The following ATE1 variants were observed in gnomAD, a reference collection of about 807,000 sequenced individuals.
ATE1 encodes arginyl-tRNA--protein transferase 1.
ATE1 carries 36 observed loss-of-function variants against 70.5 expected under a neutral mutation model. That is an observed-to-expected ratio of 0.51 (90% confidence interval 0.39 to 0.67). The LOEUF (loss-of-function observed/expected upper bound fraction) is 0.67. Among genes scored for constraint, ATE1 ranks in the 30% least tolerant of loss-of-function variants. The pLI is 0.00. For missense variants in ATE1, 593 were observed against 629.5 expected (o/e 0.94, Z 0.62); for synonymous variants, 232 against 219.3 (o/e 1.06, Z -0.51).
intron 3 of ATE1, among the ~76,000 whole-genome samples, chr10:121,920,993 C>G (rs935184982): frequency 2.8e-5 from 4 of 141,626 alleles, no homozygotes; most frequent in Non-Finnish European, 6.2e-5. Flanking sequence ...GACTCCGTCT[C>G]TTTAAAAAAA....
intron 10 of ATE1, among the ~76,000 whole-genome samples, chr10:121,822,736 C>T (rs17102629): frequency 0.033 from 4,985 of 152,174 alleles, 158 homozygotes; most frequent in African/African-American, 0.082. Context: ...CTTTCACATG[C>T]AATGCAGGCT....
chr10:121,803,753 T>A (rs998728041), intron 10 of ATE1, among the ~76,000 whole-genome samples: 1 of 152,230 alleles, frequency 6.6e-6, no homozygotes, highest in Non-Finnish European at 1.5e-5. Flanking sequence ...AGAAAACATT[T>A]TTCAGTGCCT....
At chr10:121,850,480 T>C (rs1386195386) in intron 8 of ATE1, among the ~76,000 whole-genome samples, 1 of 152,202 alleles carries the variant, frequency 6.6e-6, no homozygotes, top group Non-Finnish European at 1.5e-5. Context: ...AGAATTCTAC[T>C]TCAATATGTG....
chr10:121,907,834 T>C (rs1248805162), intron 5 of ATE1, among the ~76,000 whole-genome samples: 2 of 151,670 alleles, frequency 1.3e-5, no homozygotes, highest in Non-Finnish European at 2.9e-5. Context: ...TATGAACTCA[T>C]AACCTCATAA....
chr10:121,926,844 G>A, intron 1 of ATE1: 7 of 985,322 alleles, frequency 7.1e-6, no homozygotes, highest in Non-Finnish European at 7.2e-6. Context: ...CAAACTGGAA[G>A]CATTTTTCCA....
At chr10:121,823,742 C>T (rs1423232194) in intron 10 of ATE1, among the ~76,000 whole-genome samples, 1 of 152,204 alleles carries the variant, frequency 6.6e-6, no homozygotes, top group Non-Finnish European at 1.5e-5. Flanking sequence ...AGAGATTAGA[C>T]AAAGGATCAG....
At chr10:121,829,448 GAA>G (rs11453366) in intron 10 of ATE1, among the ~76,000 whole-genome samples, 3 of 147,984 alleles carry the variant, frequency 2.0e-5, no homozygotes, top group South Asian at 4.3e-4. Flanking sequence ...AAAAAGGAAA[GAA>G]AAAAAAAATC....
chr10:121,905,969 T>C (rs1951174841), intron 5 of ATE1, among the ~76,000 whole-genome samples: 1 of 152,188 alleles, frequency 6.6e-6, no homozygotes, highest in Admixed American at 6.5e-5. Flanking sequence ...ATACCAACCC[T>C]GCACCCACAG....
chr10:121,794,966 G>T (rs1053313372), intron 10 of ATE1, among the ~76,000 whole-genome samples: 3 of 152,148 alleles, frequency 2.0e-5, no homozygotes, highest in African/African-American at 7.2e-5. Flanking sequence ...ACATTTAGTC[G>T]GCTGGGGGCG....
intron 1 of ATE1, 109 bp from the exon 2 acceptor site, chr10:121,924,438 T>C (rs144846259): frequency 0.012 from 12,241 of 1,038,332 alleles, 109 homozygotes; most frequent in Non-Finnish European, 0.014. Flanking sequence ...CGGTGGCTCA[T>C]GCCTGTAATC....
chr10:121,911,357 G>T (rs1329307655), intron 4 of ATE1, among the ~76,000 whole-genome samples: 1 of 151,870 alleles, frequency 6.6e-6, no homozygotes, highest in Non-Finnish European at 1.5e-5. Flanking sequence ...CAGCTCTTTG[G>T]GAGGCCAACA....
chr10:121,837,507 G>C (rs1948473672), intron 9 of ATE1, among the ~76,000 whole-genome samples: 1 of 152,166 alleles, frequency 6.6e-6, no homozygotes, highest in African/African-American at 2.4e-5. Context: ...TAAATGACTA[G>C]TTTGAAAGTG....
chr10:121,785,469 T>C (rs1946166205), intron 11 of ATE1, among the ~76,000 whole-genome samples: 1 of 152,152 alleles, frequency 6.6e-6, no homozygotes, highest in South Asian at 2.1e-4. Context: ...CTTCCTGAAC[T>C]GGTTCTTCCA....
intron 8 of ATE1, among the ~76,000 whole-genome samples, chr10:121,855,671 A>T (rs1949222231): frequency 6.6e-6 from 1 of 152,340 alleles, no homozygotes; most frequent in South Asian, 2.1e-4. Context: ...AGCTCTGTAA[A>T]ATTGATTTAC....
At position 121,876,823 on chromosome 10, in the gene ATE1, G is replaced by A. The variant is rs184081187; in HGVS notation, c.943-6785C>T. ...CTACTAAAAATACAAAAAATTAGCC[G>A]GGCGTGGTGGCGGGCGCCTGTAGTC... On this transcript the variant is annotated intron_variant, in intron 7 of 11. Coordinates refer to ENST00000224652, the MANE Select transcript of ATE1 (RefSeq NM_001001976.3). Among the ~76,000 whole-genome samples the A allele has an allele frequency of 1.3e-3, 194 of 151,974 alleles. 1 individual carries two copies. The highest frequency in any genetic ancestry group is 4.2e-3 in the African/African-American group (175 of 41,454).
intron 10 of ATE1, among the ~76,000 whole-genome samples, chr10:121,811,371 C>T (rs1374607705): frequency 6.6e-6 from 1 of 152,162 alleles, no homozygotes; most frequent in Non-Finnish European, 1.5e-5. Flanking sequence ...CAAAAGAGTA[C>T]ACTGTACCGG....
chr10:121,815,718 A>G (rs921473896), intron 10 of ATE1, among the ~76,000 whole-genome samples: 1 of 152,150 alleles, frequency 6.6e-6, no homozygotes, highest in African/African-American at 2.4e-5. Flanking sequence ...GTAGGTTCTT[A>G]TTTGAAAGCA....
At chr10:121,798,651 G>A (rs1946752039) in intron 10 of ATE1, among the ~76,000 whole-genome samples, 1 of 152,182 alleles carries the variant, frequency 6.6e-6, no homozygotes, top group African/African-American at 2.4e-5. Flanking sequence ...TGTAATCCCA[G>A]CACTTTGGGA....
At chr10:121,906,213 G>A (rs547484474) in intron 5 of ATE1, among the ~76,000 whole-genome samples, 2 of 152,252 alleles carry the variant, frequency 1.3e-5, no homozygotes, top group African/African-American at 4.8e-5. Context: ...GGGCAACATA[G>A]CAAGACCTCA....
Sources: gnomAD v4.1 joint callset for allele counts (sites outside exome capture counted in the v4.1 genomes callset) on GRCh38, gnomAD v4.1.1 for gene constraint, MANE v1.5 for transcripts, NCBI Gene and HGNC (gene_info 2026-07-23, HGNC 2026-07-21) for gene names.